The following PATE3 variants were observed in gnomAD, a reference collection of about 807,000 sequenced individuals.
PATE3 encodes prostate and testis expressed protein 3.
In PATE3, 7 loss-of-function variants were observed where a neutral mutation model predicts 7.4. The observed-to-expected ratio is 0.95, with a 90% confidence interval of 0.54 to 1.78. PATE3 has a LOEUF of 1.78. Ranked by LOEUF, PATE3 falls within the 40% of genes most tolerant of loss-of-function variation. The probability of loss-of-function intolerance (pLI) is 0.00; values close to 1 mark genes in which losing one functional copy is unlikely to be tolerated. For synonymous variants in PATE3, 38 were observed against 40.2 expected (o/e 0.94, Z 0.21); for missense variants, 117 against 122.5 (o/e 0.96, Z 0.21).
Position 125,788,149 on chromosome 11 carries a change from A to G in PATE3, c.-3A>G. The G allele has an allele frequency of 6.4e-7, 1 of 1,551,370 alleles. No individual in the cohort carries two copies. Among genetic ancestry groups the G allele is most frequent in the Non-Finnish European group, 8.7e-7 (1 of 1,146,738 alleles). On this transcript the variant is annotated 5_prime_UTR_variant, in exon 1 of 3. Transcript: ENST00000445202. The stretch of plus-strand genomic sequence containing the variant: ...TTCCTGCACAAGGGATTTCCGGGTC[A>G]GGATGAACAAACACTTCTTGTTCCT...
chr11:125,789,132 T>A (rs903797074), intron 1 of PATE3, among the ~76,000 whole-genome samples: 2 of 152,160 alleles, frequency 1.3e-5, no homozygotes, highest in African/African-American at 2.4e-5. Context: ...GGAGGCTAAC[T>A]TTTTGCTTAA....
At chr11:125,790,080 A>G (rs2134182690) in intron 2 of PATE3, among the ~76,000 whole-genome samples, 1 of 152,340 alleles carries the variant, frequency 6.6e-6, no homozygotes, top group South Asian at 2.1e-4. Context: ...TATAGGAGCT[A>G]AAGAATAAGT....
rs797001965 is a variant in PATE3 at position 125,789,325 on chromosome 11, C to T, written c.50-61C>T. On this transcript the variant is annotated intron_variant, in intron 1 of 2. Coordinates refer to ENST00000445202, the MANE Select transcript of PATE3 (RefSeq NM_001129883.4). ...ATTCCCCACCTCCATCTGAATATTT[C>T]TAACTCCATCCCAAGTCCCTGCTTT... 156 of 1,486,030 alleles carry T rather than the reference C, an allele frequency of 1.0e-4. 1 individual carries two copies. In the African/African-American group the frequency reaches 1.9e-3, roughly 18 times the overall value. The allele number at this position is 1,486,030 out of a possible 1,614,324, so 92.1% of individuals were successfully genotyped here.
intron 1 of PATE3, 21 bp downstream of exon 1, chr11:125,788,221 G>C: frequency 1.3e-6 from 2 of 1,544,046 alleles, no homozygotes; most frequent in Non-Finnish European, 1.8e-6. Context: ...GACCTGAGGG[G>C]TATACTTGAG....
In PATE3 at chr11:125,788,343, C is replaced by G. The variant is rs2134181822; in HGVS notation, c.49+143C>G. On this transcript the variant is annotated intron_variant, in intron 1 of 2. Transcript: ENST00000445202. ...GGAAGCCAGCCTCCAGAATGCTCCT[C>G]TGCCTTCCCTGACAACTCTTCCATC... 5 of 674,004 alleles carry G rather than the reference C, an allele frequency of 7.4e-6. No individual in the cohort carries two copies. The East Asian group carries it at 1.5e-4, about 20-fold the overall frequency. The allele number at this position is 674,004 out of a possible 1,614,324, so 41.8% of individuals were successfully genotyped here.
intron 1 of PATE3, among the ~76,000 whole-genome samples, chr11:125,789,059 T>C (rs1943588421): frequency 6.6e-6 from 1 of 152,140 alleles, no homozygotes; most frequent in South Asian, 2.1e-4. Flanking sequence ...ATCACACCCA[T>C]ATCTCTAGTA....
intron 2 of PATE3, among the ~76,000 whole-genome samples, chr11:125,790,121 G>T (rs1943596658): frequency 6.6e-6 from 1 of 152,154 alleles, no homozygotes. Flanking sequence ...CTAGAGTGGT[G>T]GTTACCAAAG....
chr11:125,789,617 A>G (rs1254567404), intron 2 of PATE3, 109 bp downstream of exon 2: 1 of 1,299,768 alleles, frequency 7.7e-7, no homozygotes, highest in Middle Eastern at 1.9e-4. Flanking sequence ...GCCCCTGAGC[A>G]CAGGTGGTAG....
At chr11:125,790,095 G>A (rs1348047906) in intron 2 of PATE3, among the ~76,000 whole-genome samples, 2 of 152,194 alleles carry the variant, frequency 1.3e-5, no homozygotes, top group Admixed American at 6.5e-5. Context: ...ATAAGTTAAT[G>A]TCATGGAGGT....
Position 125,789,442 on chromosome 11 carries a change from A to G in PATE3, c.106A>G (p.Arg36Gly), listed in dbSNP as rs1387850548. 6.4e-7 allele frequency: 1 copy of G among 1,551,582 alleles called. No homozygotes were observed. Among genetic ancestry groups the G allele is most frequent in the East Asian group, 2.4e-5 (1 of 40,938 alleles). Residue 36 changes from arginine (R) to glycine (G), a missense_variant, in exon 2 of 3, where the codon AGA becomes GGA. Transcript: ENST00000445202. ...CHLRTRTDRC[R>G]RGFGVCTAQK... ...CCTTCGCACACGGACAGACCGCTGT[A>G]GAAGAGGCTTTGGTGTCTGTACTGC...
In PATE3 at chr11:125,789,377, T is replaced by G. The variant is rs1317195116; in HGVS notation, c.50-9T>G. On this transcript the variant is annotated splice_polypyrimidine_tract_variant and intron_variant, in intron 1 of 2. Transcript: ENST00000445202. ...GCCTAGTCTCACACCATCTCTATGC[T>G]CTCTCCAGCAGTGACATCACTTCAG... The G allele has an allele frequency of 1.9e-6, 3 of 1,549,936 alleles. No homozygotes were observed. Among genetic ancestry groups the G allele is most frequent in the Non-Finnish European group, 2.6e-6 (3 of 1,145,722 alleles).
Position 125,790,481 on chromosome 11 carries a change from A to G in PATE3, c.176A>G (p.Asn59Ser). The change falls in exon 3 of 3, where the codon AAT (asparagine) becomes AGT (serine). Residue 59 changes from asparagine (N) to serine (S), a missense_variant. Coordinates refer to ENST00000445202, the MANE Select transcript of PATE3 (RefSeq NM_001129883.4). ...CTGTGGTTCTTTCCTATTTTAGGCA[A>G]TACTCTCCAGATATCATACATGGTG... ...ACMLLRIYQRNTLQISYMVCQ... is the reference protein window; with the variant it reads ...ACMLLRIYQRSTLQISYMVCQ... 6.5e-7 allele frequency: 1 copy of G among 1,550,008 alleles called. No homozygotes were observed. Among genetic ancestry groups the G allele is most frequent in the Non-Finnish European group, 8.7e-7 (1 of 1,146,484 alleles).
At position 125,790,602 on chromosome 11, in the gene PATE3, AG is replaced by A; in HGVS notation, c.*1del. 6.4e-7 allele frequency: 1 copy of A among 1,551,058 alleles called. No homozygotes were observed. The highest frequency in any genetic ancestry group is 8.7e-7 in the Non-Finnish European group (1 of 1,146,664). ...ACAATTACTGTAACTTTAAACTCTA[AG>A]ATATTTGCCCTCCTGAGGTCTCGCT... On this transcript the variant is annotated 3_prime_UTR_variant, in exon 3 of 3. Transcript: ENST00000445202.
chr11:125,789,344 C>T lies in PATE3; in HGVS notation c.50-42C>T, dbSNP rs1389325716. Reference sequence around the variant, plus strand: ...ATATTTCTAACTCCATCCCAAGTCCCTGCTTTTGCCTAGTCTCACACCATC... The same window carrying T: ...ATATTTCTAACTCCATCCCAAGTCCTTGCTTTTGCCTAGTCTCACACCATC... On this transcript the variant is annotated intron_variant, in intron 1 of 2. Coordinates refer to ENST00000445202, the MANE Select transcript of PATE3 (RefSeq NM_001129883.4). The T allele has an allele frequency of 2.0e-6, 3 of 1,526,434 alleles. No individual in the cohort carries two copies. In the African/African-American group the frequency reaches 4.1e-5, roughly 21 times the overall value. 94.6% of individuals were successfully genotyped at this position (1,526,434 alleles called of 1,614,324 possible). A position where few individuals can be genotyped will look rare whatever the true frequency, so the allele number is the denominator to read the frequency against.
At chr11:125,789,211 T>C (rs1013251488) in intron 1 of PATE3, among the ~76,000 whole-genome samples, 175 bp from the exon 2 acceptor site, 2 of 152,200 alleles carry the variant, frequency 1.3e-5, no homozygotes, top group Non-Finnish European at 2.9e-5. Context: ...TTTATTACTC[T>C]GAAATGAGGA....
rs1388874252 is a variant in PATE3 at position 125,789,433 on chromosome 11, G to T, written c.97G>T (p.Asp33Tyr). ...AACATGCCACCTTCGCACACGGACAGACCGCTGTAGAAGAGGCTTTGGTGT... is the reference window on the plus strand; with the variant it reads ...AACATGCCACCTTCGCACACGGACATACCGCTGTAGAAGAGGCTTTGGTGT... ...CITCHLRTRT[D>Y]RCRRGFGVCT... The change falls in exon 2 of 3, where the codon GAC becomes TAC. Residue 33 changes from aspartate to tyrosine, a missense_variant. By Grantham distance (160) the Asp-to-Tyr change is radical. Coordinates refer to ENST00000445202, the MANE Select transcript of PATE3 (RefSeq NM_001129883.4). 6.4e-7 allele frequency: 1 copy of T among 1,551,694 alleles called. No individual in the cohort carries two copies. The highest frequency in any genetic ancestry group is 1.2e-5 in the South Asian group (1 of 84,050).
intron 1 of PATE3, 46 bp from the exon 2 acceptor site, chr11:125,789,340 G>T (rs1192670428): frequency 8.6e-6 from 13 of 1,520,210 alleles, no homozygotes; most frequent in Admixed American, 2.0e-5. Context: ...TCCATCCCAA[G>T]TCCCTGCTTT....
rs186588880 is a variant in PATE3 at position 125,789,386 on chromosome 11, C to T, written c.50C>T (p.Ala17Val). 48 of 1,551,134 alleles carry T rather than the reference C, an allele frequency of 3.1e-5. No homozygotes were observed. The East Asian group carries it at 1.1e-3, about 36-fold the overall frequency. Residue 17 changes from alanine (A) to valine (V), a missense_variant and splice_region_variant, in exon 2 of 3, where the codon GCA becomes GTA. Transcript: ENST00000445202. ...FLFLLYCLIV[A>V]VTSLQCITCH... ...CACACCATCTCTATGCTCTCTCCAGCAGTGACATCACTTCAGTGCATAACA... is the reference window on the plus strand; with the variant it reads ...CACACCATCTCTATGCTCTCTCCAGTAGTGACATCACTTCAGTGCATAACA...
rs531339822 is a variant in PATE3 at position 125,788,910 on chromosome 11, T to A, written c.50-476T>A. On this transcript the variant is annotated intron_variant, in intron 1 of 2. Transcript: ENST00000445202. ...TTTGAATAGCTCACCCCGCAGAACCTCATAAAAGTGTCACTTATGGTACTA... is the reference window on the plus strand; with the variant it reads ...TTTGAATAGCTCACCCCGCAGAACCACATAAAAGTGTCACTTATGGTACTA... 6.4e-3 allele frequency among the ~76,000 whole-genome samples: 973 copies of A among 152,308 alleles called. 6 individuals are homozygous for A. Among genetic ancestry groups the A allele is most frequent in the African/African-American group, 0.022 (933 of 41,566 alleles).
Sources: gnomAD v4.1 joint callset for allele counts (sites outside exome capture counted in the v4.1 genomes callset) on GRCh38, gnomAD v4.1.1 for gene constraint, MANE v1.5 for transcripts, NCBI Gene and HGNC (gene_info 2026-07-23, HGNC 2026-07-21) for gene names.